Variants in YARS1 observed in about 807,000 individuals in gnomAD.
YARS1 encodes the protein tyrosine--tRNA ligase, cytoplasmic.
A neutral mutation model predicts 62.2 loss-of-function variants in YARS1; 36 were observed. That is an observed-to-expected ratio of 0.58 (90% CI 0.44 to 0.76). The LOEUF (loss-of-function observed/expected upper bound fraction) is 0.76. Ranked by LOEUF, YARS1 falls within the 30% of genes least tolerant of loss-of-function variation. YARS1 has a pLI of 0.00. For missense variants in YARS1, 524 were observed against 639.8 expected (o/e 0.82, Z 1.95); for synonymous variants, 234 against 244.9 (o/e 0.96, Z 0.42).
At chr1:32,811,311 A>ACC (rs1442951278) in intron 1 of YARS1, 5 of 534,432 alleles carry the variant, frequency 9.4e-6, no homozygotes. Context: ...CCTCTTACCC[A>ACC]CCCCCCTTCC....
In YARS1 at chr1:32,776,126, G is replaced by A. The variant is rs1201850149; in HGVS notation, c.1477-35C>T. 1.9e-6 allele frequency: 3 copies of A among 1,559,894 alleles called. No homozygotes were observed. Among genetic ancestry groups the A allele is most frequent in the Non-Finnish European group, 2.6e-6 (3 of 1,134,130 alleles). The stretch of plus-strand genomic sequence containing the variant: ...ACAGATAAGAGAGATTTTAATGATG[G>A]TGGTGGGACTGCAAGAAAACCCCCC... On this transcript the variant is annotated intron_variant, in intron 12 of 12. Transcript: ENST00000373477. This position sits in a 1 kb window ranked among gnomAD's most constrained non-coding sequence, Gnocchi z 4.0.
At chr1:32,797,642 C>T (rs1653648219) in intron 5 of YARS1, 121 bp downstream of exon 5, 1 of 905,482 alleles carries the variant, frequency 1.1e-6, no homozygotes, top group Admixed American at 1.8e-5. Context: ...TTCTCATCTG[C>T]AAAACAAGGA....
rs1653360827 is a variant in YARS1 at position 32,789,986 on chromosome 1, C to T, written c.684+1176G>A. ...GCAACCTCTGCCTCCTGGGTTCAAG[C>T]AATTCTCCTGCCTCAGCCTCCCTAG... On this transcript the variant is annotated intron_variant, in intron 6 of 12. Transcript: ENST00000373477. 2.6e-5 allele frequency among the ~76,000 whole-genome samples: 4 copies of T among 151,198 alleles called. No individual in the cohort carries two copies. The South Asian group carries it at 8.4e-4, about 32-fold the overall frequency.
intron 4 of YARS1, among the ~76,000 whole-genome samples, chr1:32,800,589 TTC>T (rs922482732): frequency 2.0e-5 from 3 of 151,930 alleles, no homozygotes; most frequent in African/African-American, 7.3e-5. Flanking sequence ...GTTTGTACTT[TTC>T]TTTTTTTTTT....
At chr1:32,794,819 A>G (rs1653520669) in intron 5 of YARS1, among the ~76,000 whole-genome samples, 1 of 151,776 alleles carries the variant, frequency 6.6e-6, no homozygotes, top group Non-Finnish European at 1.5e-5. Context: ...CAACCTGGCC[A>G]ACATGGTGAA....
chr1:32,816,840 G>A (rs1638753990), intron 1 of YARS1: 1 of 451,534 alleles, frequency 2.2e-6, no homozygotes, highest in African/African-American at 2.0e-5. Context: ...CATTTTTAAC[G>A]TCTGATCCCC....
intron 1 of YARS1, among the ~76,000 whole-genome samples, chr1:32,815,783 C>T (rs193129733): frequency 9.2e-5 from 14 of 152,240 alleles, no homozygotes; most frequent in Non-Finnish European, 1.8e-4. Flanking sequence ...TAATAGGTAG[C>T]GTCTGCTAAC....
chr1:32,812,860 C>T (rs1363023487), intron 1 of YARS1, among the ~76,000 whole-genome samples: 1 of 149,880 alleles, frequency 6.7e-6, no homozygotes, highest in Non-Finnish European at 1.5e-5. Context: ...CCCAGCTACT[C>T]GGGAGGCTGA....
At chr1:32,802,407 C>T (rs1004192319) in intron 4 of YARS1, among the ~76,000 whole-genome samples, 1 of 151,948 alleles carries the variant, frequency 6.6e-6, no homozygotes, top group African/African-American at 2.4e-5. Context: ...TTAATAACAC[C>T]GAGAATGCTG....
chr1:32,787,106 T>G (rs954101793), intron 6 of YARS1, 31 bp from the exon 7 acceptor site: 1 of 1,613,698 alleles, frequency 6.2e-7, no homozygotes, highest in Non-Finnish European at 8.5e-7. Flanking sequence ...GAGGACCTCT[T>G]GTGGTTGAAA....
chr1:32,795,002 CAAAAAAAAAAA>C (rs71278770), intron 5 of YARS1, among the ~76,000 whole-genome samples: 3 of 22,868 alleles, frequency 1.3e-4, no homozygotes, highest in Non-Finnish European at 2.3e-4. Context: ...GACTCTGTCT[CAAAAAAAAAAA>C]AAAAAAAAAA....
chr1:32,806,432 T>TC, intron 4 of YARS1, 50 bp downstream of exon 4: 1 of 1,612,742 alleles, frequency 6.2e-7, no homozygotes, highest in Non-Finnish European at 8.5e-7. Flanking sequence ...ATGCCTGTCA[T>TC]CAAACCAGAG....
intron 7 of YARS1, 151 bp downstream of exon 7, chr1:32,786,789 C>T: frequency 9.2e-7 from 1 of 1,087,108 alleles, no homozygotes; most frequent in South Asian, 1.6e-5. Context: ...TACATCCCAA[C>T]ATCATTCATA....
At chr1:32,785,768 G>A (rs374354754) in intron 8 of YARS1, among the ~76,000 whole-genome samples, 1 of 151,784 alleles carries the variant, frequency 6.6e-6, no homozygotes, top group Non-Finnish European at 1.5e-5. Flanking sequence ...ATTTTTAATA[G>A]AGATGGGGTT....
intron 8 of YARS1, among the ~76,000 whole-genome samples, chr1:32,786,010 C>T (rs1653214582): frequency 6.6e-6 from 1 of 151,594 alleles, no homozygotes; most frequent in Non-Finnish European, 1.5e-5. Context: ...TGCTTTTGTA[C>T]ATCCTAAAGG....
intron 4 of YARS1, among the ~76,000 whole-genome samples, chr1:32,804,289 G>A (rs1638388026): frequency 6.7e-6 from 1 of 149,664 alleles, no homozygotes; most frequent in Non-Finnish European, 1.5e-5. Context: ...CGGGCAGAGG[G>A]GCTCCTCACT....
chr1:32,788,295 G>A (rs1653302811), intron 6 of YARS1, among the ~76,000 whole-genome samples: 1 of 152,074 alleles, frequency 6.6e-6, no homozygotes, highest in Non-Finnish European at 1.5e-5. Context: ...CTGTTGCTCA[G>A]GATGGAGTAC....
intron 5 of YARS1, among the ~76,000 whole-genome samples, chr1:32,795,897 A>G (rs1653566976): frequency 6.6e-6 from 1 of 152,132 alleles, no homozygotes. Context: ...TAAACAATGT[A>G]AAAACCATTC....
chr1:32,795,057 C>T (rs1218092598), intron 5 of YARS1, among the ~76,000 whole-genome samples: 8 of 146,048 alleles, frequency 5.5e-5, no homozygotes, highest in African/African-American at 1.5e-4. Context: ...CGGTGGCTCA[C>T]GCTTGTAATC....
Sources: gnomAD v4.1 joint callset for allele counts (sites outside exome capture counted in the v4.1 genomes callset) on GRCh38, gnomAD v4.1.1 for gene constraint, Gnocchi (gnomAD v3.1) non-coding constraint, MANE v1.5 for transcripts, NCBI Gene and HGNC (gene_info 2026-07-23, HGNC 2026-07-21) for gene names.